Variants in SGCZ observed in about 807,000 individuals in gnomAD.
The protein encoded by SGCZ is zeta-sarcoglycan.
Under a neutral mutation model 41.3 loss-of-function variants are expected in SGCZ, and 40 were observed. The observed-to-expected ratio is 0.97, with a 90% CI of 0.75 to 1.26. The LOEUF (loss-of-function observed/expected upper bound fraction) is 1.26. Ranked by LOEUF, SGCZ falls within the 50% of genes most tolerant of loss-of-function variation. The pLI is 0.00. For synonymous variants in SGCZ, 206 were observed against 137.5 expected (o/e 1.50, Z -3.49); for missense variants, 552 against 369.8 (o/e 1.49, Z -4.04).
chr8:14,702,630 A>C (rs761651701), intron 1 of SGCZ, among the ~76,000 whole-genome samples: 2 of 151,868 alleles, frequency 1.3e-5, no homozygotes, highest in Non-Finnish European at 2.9e-5. Flanking sequence ...TTAATAAAGG[A>C]CACCGCTATT....
At chr8:15,091,517 A>T (rs531645234) in intron 1 of SGCZ, among the ~76,000 whole-genome samples, 1 of 152,336 alleles carries the variant, frequency 6.6e-6, no homozygotes, top group South Asian at 2.1e-4. Context: ...ATGCCATAAA[A>T]TTAATGTGCA....
At chr8:14,692,495 C>A (rs569940395) in intron 1 of SGCZ, among the ~76,000 whole-genome samples, 2 of 152,070 alleles carry the variant, frequency 1.3e-5, no homozygotes, top group African/African-American at 4.8e-5. Flanking sequence ...GGAAAGTAAT[C>A]TTGGTTTATA....
At chr8:14,820,916 A>G in intron 1 of SGCZ, among the ~76,000 whole-genome samples, 1 of 147,542 alleles carries the variant, frequency 6.8e-6, no homozygotes, top group Non-Finnish European at 1.5e-5. Context: ...AACACCCTAA[A>G]GGAACAAAAA....
At chr8:15,088,585 C>G (rs1806035061) in intron 1 of SGCZ, among the ~76,000 whole-genome samples, 1 of 147,942 alleles carries the variant, frequency 6.8e-6, no homozygotes, top group African/African-American at 2.6e-5. Flanking sequence ...CTCTCATAAA[C>G]TTGACATTTG....
chr8:14,833,231 A>G (rs1802590414), intron 1 of SGCZ, among the ~76,000 whole-genome samples: 1 of 152,178 alleles, frequency 6.6e-6, no homozygotes, highest in African/African-American at 2.4e-5. Context: ...GTTAAACACA[A>G]ATGACACAGA....
At chr8:15,237,556 C>T (rs1802176753) in intron 1 of SGCZ, 29 bp downstream of exon 1, 1 of 1,583,090 alleles carries the variant, frequency 6.3e-7, no homozygotes, top group Non-Finnish European at 8.6e-7. Context: ...CGAGAAGCGG[C>T]CGCGAAGCCC....
intron 7 of SGCZ, among the ~76,000 whole-genome samples, chr8:14,093,976 G>A (rs1341097121): frequency 6.6e-6 from 1 of 151,836 alleles, no homozygotes; most frequent in Non-Finnish European, 1.5e-5. Flanking sequence ...ATATAGAATA[G>A]GGCATGGAAT....
chr8:15,233,035 T>A (rs1300047778), intron 1 of SGCZ, among the ~76,000 whole-genome samples: 2 of 151,708 alleles, frequency 1.3e-5, no homozygotes, highest in Non-Finnish European at 2.9e-5. Context: ...TTGTGACTAG[T>A]TGCTATTTTG....
At chr8:14,238,508 G>A (rs1806849277) in intron 3 of SGCZ, among the ~76,000 whole-genome samples, 1 of 152,252 alleles carries the variant, frequency 6.6e-6, no homozygotes, top group Admixed American at 6.5e-5. Flanking sequence ...CTGGTAACGT[G>A]TTGACTTTTA....
intron 1 of SGCZ, among the ~76,000 whole-genome samples, chr8:15,049,116 G>A (rs1804421849): frequency 6.6e-6 from 1 of 152,120 alleles, no homozygotes; most frequent in Middle Eastern, 3.2e-3. Flanking sequence ...CCACAATCGT[G>A]AATATAAAGG....
intron 1 of SGCZ, among the ~76,000 whole-genome samples, chr8:14,596,090 G>T (rs190427106): frequency 7.9e-5 from 12 of 152,316 alleles, no homozygotes; most frequent in Admixed American, 7.2e-4. Context: ...GAATCCTCCA[G>T]ACAGGTTGTG....
intron 1 of SGCZ, among the ~76,000 whole-genome samples, chr8:14,949,495 G>A (rs1800561228): frequency 2.6e-5 from 4 of 152,214 alleles, no homozygotes; most frequent in Admixed American, 2.6e-4. Flanking sequence ...TCTAGAGCAT[G>A]AAGATTTATT....
intron 1 of SGCZ, among the ~76,000 whole-genome samples, chr8:14,827,737 T>C (rs1386732604): frequency 6.6e-6 from 1 of 152,192 alleles, no homozygotes; most frequent in Non-Finnish European, 1.5e-5. Flanking sequence ...TCTAATGCAA[T>C]GACAGAATAT....
intron 1 of SGCZ, among the ~76,000 whole-genome samples, chr8:15,164,620 G>T (rs1205773551): frequency 1.4e-5 from 2 of 146,938 alleles, no homozygotes; most frequent in Non-Finnish European, 3.0e-5. Context: ...CACCCCATCA[G>T]CAGTTAAGTT....
rs1303419499 is a variant in SGCZ at position 14,847,185 on chromosome 8, A to AGAAGAAGAAGAAGAAGAAG, written c.40-292260_40-292259insCTTCTTCTTCTTCTTCTTC. ...AAGAAGAAGAAGAAGAAGAAGAAGA[A>AGAAGAAGAAGAAGAAGAAG]GAGAAAAATACCAATTCTACAAAAA... On this transcript the variant is annotated intron_variant, in intron 1 of 7. Transcript: ENST00000382080. Among the ~76,000 whole-genome samples, 6 of 148,390 alleles carry AGAAGAAGAAGAAGAAGAAG rather than the reference A, an allele frequency of 4.0e-5. 1 individual carries two copies. Among genetic ancestry groups the AGAAGAAGAAGAAGAAGAAG allele is most frequent in the African/African-American group, 1.3e-4 (5 of 38,926 alleles).
At chr8:14,845,754 T>C (rs1324457198) in intron 1 of SGCZ, among the ~76,000 whole-genome samples, 1 of 152,050 alleles carries the variant, frequency 6.6e-6, no homozygotes, top group African/African-American at 2.4e-5. Context: ...ACTAGTGAAC[T>C]TACAGGTGCA....
chr8:14,954,002 A>C (rs536803444), intron 1 of SGCZ, among the ~76,000 whole-genome samples: 2 of 152,282 alleles, frequency 1.3e-5, no homozygotes, highest in African/African-American at 4.8e-5. Flanking sequence ...CAGTTTAAGG[A>C]AATTTATATG....
chr8:15,197,919 T>C (rs1429004543), intron 1 of SGCZ, among the ~76,000 whole-genome samples: 2 of 150,826 alleles, frequency 1.3e-5, no homozygotes, highest in Non-Finnish European at 3.0e-5. Context: ...TATATATAGA[T>C]ACACATACAC....
chr8:14,167,546 C>G (rs1481683568), intron 4 of SGCZ, among the ~76,000 whole-genome samples: 1 of 151,516 alleles, frequency 6.6e-6, no homozygotes, highest in Non-Finnish European at 1.5e-5. Flanking sequence ...TCAATAAACT[C>G]ACAATCAACA....
Sources: gnomAD v4.1 joint callset for allele counts (sites outside exome capture counted in the v4.1 genomes callset) on GRCh38, gnomAD v4.1.1 for gene constraint, MANE v1.5 for transcripts, NCBI Gene and HGNC (gene_info 2026-07-23, HGNC 2026-07-21) for gene names.